SMG1: variants seen among roughly 807,000 people sequenced by gnomAD.
The protein encoded by SMG1 is SMG1 nonsense mediated mRNA decay associated PI3K related kinase.
SMG1 carries 22 observed loss-of-function variants against 419.9 expected under a neutral mutation model. The ratio of observed to expected loss-of-function variants is 0.05; its 90% CI spans 0.04 to 0.07. SMG1 has a LOEUF of 0.07. Among genes scored for constraint, SMG1 ranks in the 10% least tolerant of loss-of-function variants. The pLI is 1.00. For missense variants in SMG1, 3,185 were observed against 4,342.0 expected (o/e 0.73, Z 7.49); for synonymous variants, 1,538 against 1,553.5 (o/e 0.99, Z 0.23).
chr16:18,915,551 T>C (rs1210271535), intron 1 of SMG1, among the ~76,000 whole-genome samples: 2 of 151,988 alleles, frequency 1.3e-5, no homozygotes, highest in South Asian at 2.1e-4. Flanking sequence ...ATGCACTTAG[T>C]AGGAAAGAAG....
intron 9 of SMG1, among the ~76,000 whole-genome samples, chr16:18,883,471 CG>C (rs997681658): frequency 5.9e-5 from 9 of 151,734 alleles, no homozygotes; most frequent in African/African-American, 2.2e-4. Flanking sequence ...CTCTGAAGAC[CG>C]GGAACAAAAA....
intron 35 of SMG1, 100 bp from the exon 36 acceptor site, chr16:18,849,478 G>A (rs1425535519): frequency 2.7e-6 from 3 of 1,123,488 alleles, no homozygotes; most frequent in Non-Finnish European, 3.8e-6. Flanking sequence ...ATGTGTGTCG[G>A]CATTAGTACG....
At position 18,830,113 on chromosome 16, in the gene SMG1, C is replaced by A; in HGVS notation, c.8946G>T (p.Leu2982Phe). 1 of 1,602,026 alleles carries A rather than the reference C, an allele frequency of 6.2e-7. No individual in the cohort carries two copies. Among genetic ancestry groups the A allele is most frequent in the South Asian group, 1.1e-5 (1 of 89,388 alleles). ...AAGCTATGGGAATTTCCATCTTGTT[C>A]AACTATGTAAATGAAAGAAAACAAA... ...ETAFSLLVEKLNKMEIPIAWR... is the reference protein window; with the variant it reads ...ETAFSLLVEKFNKMEIPIAWR... The change falls in exon 53 of 63, where the codon TTG becomes TTT. Residue 2982 changes from leucine (L) to phenylalanine (F), a missense_variant and splice_region_variant. Leu to Phe is a conservative substitution (Grantham distance 22). Around this residue, in one of 27 missense-constraint regions of SMG1, gnomAD observed 737 missense variants for 846.6 expected, o/e 0.87. Transcript: ENST00000446231.
intron 5 of SMG1, among the ~76,000 whole-genome samples, chr16:18,890,629 G>A (rs765545266): frequency 2.0e-4 from 30 of 152,164 alleles, no homozygotes; most frequent in Non-Finnish European, 2.5e-4. Flanking sequence ...CAGCCTGGGC[G>A]ACAGGGTGAG....
chr16:18,856,456 C>T (rs1317988741), intron 29 of SMG1: 1 of 152,324 alleles, frequency 6.6e-6, no homozygotes, highest in Non-Finnish European at 1.5e-5. Flanking sequence ...CCTGCCTCAG[C>T]CTCCCAAGTA....
chr16:18,833,302 G>T, intron 50 of SMG1, 136 bp from the exon 51 acceptor site: 46 of 571,952 alleles, frequency 8.0e-5, no homozygotes, highest in South Asian at 1.5e-4. Context: ...TACATCTTTT[G>T]TTTACTTTTT....
At chr16:18,881,107 G>A (rs533570395) in intron 10 of SMG1, among the ~76,000 whole-genome samples, 5 of 150,220 alleles carry the variant, frequency 3.3e-5, no homozygotes, top group African/African-American at 1.2e-4. Flanking sequence ...GACAGAGTGA[G>A]GCTCTAGCTC....
chr16:18,902,656 T>A (rs1343222374), intron 1 of SMG1, among the ~76,000 whole-genome samples: 1 of 150,638 alleles, frequency 6.6e-6, no homozygotes, highest in Non-Finnish European at 1.5e-5. Context: ...CAGTGAGCTG[T>A]GATCATGCCA....
At position 18,847,829 on chromosome 16, in the gene SMG1, G is replaced by A; in HGVS notation, c.5828C>T (p.Thr1943Ile). The A allele has an allele frequency of 6.2e-7, 1 of 1,613,870 alleles. No homozygotes were observed. The highest frequency in any genetic ancestry group is 8.5e-7 in the Non-Finnish European group (1 of 1,179,830). ...GTTTCTTTGTACCTGTAATACCATG[G>A]TGGGGTTTGCAGAGGACAGCTTATC... ...IVDKLSSANP[T>I]MVLQVQMLVA... The change falls in exon 37 of 63, where the codon ACC (threonine) becomes ATC (isoleucine). Residue 1943 changes from threonine (T) to isoleucine (I), a missense_variant. Coordinates refer to ENST00000446231, the MANE Select transcript of SMG1 (RefSeq NM_015092.5).
Position 18,862,047 on chromosome 16 carries a change from G to C in SMG1, c.3696-1271C>G, listed in dbSNP as rs549203564. Among the ~76,000 whole-genome samples, 3 of 152,178 alleles carry C rather than the reference G, an allele frequency of 2.0e-5. No individual in the cohort carries two copies. In the East Asian group the frequency reaches 5.8e-4, roughly 29 times the overall value. On this transcript the variant is annotated intron_variant, in intron 25 of 62. Transcript: ENST00000446231. ...CATCTCATATTTCCCTCCAGCAACAGCTTCCTATCCTCGACTTCAAGAAAA... is the reference window on the plus strand; with the variant it reads ...CATCTCATATTTCCCTCCAGCAACACCTTCCTATCCTCGACTTCAAGAAAA...
At chr16:18,827,910 C>T in intron 55 of SMG1, 121 bp downstream of exon 55, 1 of 874,602 alleles carries the variant, frequency 1.1e-6, no homozygotes, top group East Asian at 3.2e-5. Flanking sequence ...AAATTATGCT[C>T]TTCTGGCTTA....
intron 1 of SMG1, among the ~76,000 whole-genome samples, chr16:18,904,158 C>T (rs1217762477): frequency 1.3e-5 from 2 of 149,758 alleles, no homozygotes; most frequent in African/African-American, 4.9e-5. Flanking sequence ...AGGATGGTCT[C>T]GATCTCCTGA....
chr16:18,834,170 AAAAC>A lies in SMG1; in HGVS notation c.8565+30_8565+33del. The A allele has an allele frequency of 2.1e-6, 3 of 1,462,552 alleles. No individual in the cohort carries two copies. In the South Asian group the frequency reaches 3.7e-5, roughly 18 times the overall value. The allele number at this position is 1,462,552 out of a possible 1,614,324, so 90.6% of individuals were successfully genotyped here. Reference sequence around the variant, plus strand: ...ATGAGAAAGACAATATTCAGTATCTAAAACAAACTAATATTTAAAATAAAAGTGT... The same window carrying A: ...ATGAGAAAGACAATATTCAGTATCTAAAACTAATATTTAAAATAAAAGTGT... On this transcript the variant is annotated intron_variant, in intron 50 of 62. Coordinates refer to ENST00000446231, the MANE Select transcript of SMG1 (RefSeq NM_015092.5).
intron 54 of SMG1, 53 bp downstream of exon 54, chr16:18,829,233 T>A: frequency 2.1e-6 from 3 of 1,435,618 alleles, no homozygotes; most frequent in Non-Finnish European, 2.8e-6. Flanking sequence ...ATTTCCCCCA[T>A]TTTTCAAGTT....
At chr16:18,837,939 C>CCTCA (rs2033682910) in intron 45 of SMG1, 75 bp downstream of exon 45, 1 of 1,477,220 alleles carries the variant, frequency 6.8e-7, no homozygotes, top group Non-Finnish European at 9.2e-7. Context: ...AAACAATTTG[C>CCTCA]CTCAACATTT....
chr16:18,909,188 C>CAA (rs1411461504), intron 1 of SMG1, among the ~76,000 whole-genome samples: 1 of 149,668 alleles, frequency 6.7e-6, no homozygotes, highest in Non-Finnish European at 1.5e-5. Context: ...ACTAAAAATA[C>CAA]AAAATTAGCC....
chr16:18,883,386 T>C (rs1170885330), intron 9 of SMG1, among the ~76,000 whole-genome samples: 3 of 152,244 alleles, frequency 2.0e-5, no homozygotes, highest in Non-Finnish European at 4.4e-5. Flanking sequence ...CTCCTGTACA[T>C]ATGTAAGAGG....
chr16:18,909,296 G>A (rs1490744027), intron 1 of SMG1, among the ~76,000 whole-genome samples: 2 of 151,830 alleles, frequency 1.3e-5, no homozygotes, highest in African/African-American at 2.4e-5. Flanking sequence ...GAGCTGAGAC[G>A]GCGTCATTGC....
intron 51 of SMG1, among the ~76,000 whole-genome samples, 183 bp from the exon 52 acceptor site, chr16:18,830,552 C>T (rs2033102475): frequency 1.3e-5 from 2 of 152,092 alleles, no homozygotes; most frequent in Admixed American, 1.3e-4. Flanking sequence ...CTTTGGCAGG[C>T]CGAGGTGGGC....
Sources: allele counts gnomAD v4.1 joint callset (sites outside exome capture counted in the v4.1 genomes callset), GRCh38; gene constraint gnomAD v4.1.1; regional missense constraint gnomAD v4.1.1; transcripts MANE v1.5; gene names NCBI Gene and HGNC (gene_info 2026-07-23, HGNC 2026-07-21).